MOCS1: variants seen among roughly 807,000 people sequenced by gnomAD.
MOCS1 encodes molybdenum cofactor synthesis 1.
Under a neutral mutation model 57.6 loss-of-function variants are expected in MOCS1, and 39 were observed. The observed-to-expected ratio is 0.68, with a 90% CI of 0.52 to 0.88. The LOEUF is 0.88. Among genes scored for constraint, MOCS1 ranks in the 40% least tolerant of loss-of-function variants. The pLI is 0.00. For synonymous variants in MOCS1, 334 were observed against 335.7 expected (o/e 1.00, Z 0.05); for missense variants, 795 against 831.1 (o/e 0.96, Z 0.53).
intron 3 of MOCS1, among the ~76,000 whole-genome samples, chr6:39,923,683 G>A (rs1467716052): frequency 6.6e-6 from 1 of 152,264 alleles, no homozygotes; most frequent in East Asian, 1.9e-4. Flanking sequence ...AGCTTGCCTG[G>A]GCCAGCTCAG....
intron 8 of MOCS1, among the ~76,000 whole-genome samples, chr6:39,910,488 T>G (rs1247349727): frequency 6.6e-6 from 1 of 152,208 alleles, no homozygotes; most frequent in Non-Finnish European, 1.5e-5. Context: ...GCATGACAAC[T>G]TAAGGTCAAA....
rs181921084 is a variant in MOCS1 at position 39,926,591 on chromosome 6, A to C, written c.250+738T>G. Among the ~76,000 whole-genome samples, 518 of 150,224 alleles carry C rather than the reference A, an allele frequency of 3.4e-3. 3 individuals are homozygous for C. The highest frequency in any genetic ancestry group is 0.012 in the African/African-American group (498 of 40,670). The stretch of plus-strand genomic sequence containing the variant: ...TCCTTTGAGACTGAAGAGAATAAGT[A>C]AGACTACCAGAATGTAAAGCATATA... On this transcript the variant is annotated intron_variant, in intron 2 of 10. Transcript: ENST00000340692.
chr6:39,927,173 C>T (rs1234062058), intron 2 of MOCS1, 156 bp downstream of exon 2: 1 of 881,814 alleles, frequency 1.1e-6, no homozygotes, highest in Non-Finnish European at 1.7e-6. Context: ...TATCTTGCCC[C>T]TGAAGCCCAC....
chr6:39,912,822 C>A, intron 7 of MOCS1, 70 bp downstream of exon 7: 1 of 1,196,742 alleles, frequency 8.4e-7, no homozygotes, highest in South Asian at 1.2e-5. Context: ...CAGCTCCCTG[C>A]TAGCTCTCCA....
At chr6:39,909,615 C>A (rs1402077856) in intron 9 of MOCS1, among the ~76,000 whole-genome samples, 1 of 152,128 alleles carries the variant, frequency 6.6e-6, no homozygotes, top group African/African-American at 2.4e-5. Context: ...GTCCCCTCTC[C>A]TGTGCAGCCT....
At chr6:39,932,841 T>C (rs897885108) in intron 1 of MOCS1, among the ~76,000 whole-genome samples, 4 of 152,248 alleles carry the variant, frequency 2.6e-5, no homozygotes, top group Admixed American at 2.0e-4. Flanking sequence ...TTAATCCCTG[T>C]GACATCCTAT....
intron 4 of MOCS1, among the ~76,000 whole-genome samples, chr6:39,915,193 G>T (rs1351919857): frequency 2.6e-5 from 4 of 152,178 alleles, no homozygotes; most frequent in Non-Finnish European, 5.9e-5. Context: ...TGTGTCTTCT[G>T]TCCCCTCCAC....
chr6:39,919,222 T>C (rs1767828985), intron 3 of MOCS1, among the ~76,000 whole-genome samples: 1 of 152,108 alleles, frequency 6.6e-6, no homozygotes, highest in Non-Finnish European at 1.5e-5. Context: ...CGGTGGCTGA[T>C]GGCTGTAATC....
chr6:39,929,529 G>A (rs1768533028), intron 1 of MOCS1, among the ~76,000 whole-genome samples: 1 of 152,074 alleles, frequency 6.6e-6, no homozygotes, highest in Admixed American at 6.6e-5. Context: ...CATGATGGGG[G>A]GATGGGGTGG....
chr6:39,910,078 G>A, intron 8 of MOCS1, 123 bp from the exon 9 acceptor site: 1 of 1,418,024 alleles, frequency 7.1e-7, no homozygotes, highest in Non-Finnish European at 9.8e-7. Flanking sequence ...GGCCTCCCAT[G>A]GCAGGGCCCC....
chr6:39,906,438 A>AGCCTT lies in MOCS1; in HGVS notation c.1825_1829dup (p.Val611ArgfsTer47). 3 of 1,606,776 alleles carry AGCCTT rather than the reference A, an allele frequency of 1.9e-6. No homozygotes were observed. The South Asian group carries it at 3.3e-5, about 18-fold the overall frequency. On this transcript the variant is annotated frameshift_variant, in exon 11 of 11. Transcript: ENST00000340692. LOFTEE classifies it high-confidence loss of function. The stretch of plus-strand genomic sequence containing the variant: ...CCTCCAACACGATGTCCCTGCTGAC[A>AGCCTT]GCCTTGCACATGTCATACAGGGTGA...
At chr6:39,909,740 T>C (rs995601285) in intron 9 of MOCS1, 95 bp downstream of exon 9, 15 of 1,548,164 alleles carry the variant, frequency 9.7e-6, no homozygotes, top group African/African-American at 9.5e-5. Context: ...TCCCCCTAGG[T>C]GTTCCTTGGT....
intron 2 of MOCS1, 31 bp from the exon 3 acceptor site, chr6:39,925,876 G>C (rs769905045): frequency 1.3e-5 from 20 of 1,595,080 alleles, no homozygotes; most frequent in Admixed American, 1.7e-5. Context: ...AATGTGGAGG[G>C]AGGAAAGAGG....
intron 8 of MOCS1, among the ~76,000 whole-genome samples, chr6:39,910,994 C>T (rs1767293221): frequency 6.6e-6 from 1 of 152,252 alleles, no homozygotes; most frequent in African/African-American, 2.4e-5. Flanking sequence ...GGCTCCAGCC[C>T]TTCCTGGGCC....
Position 39,906,410 on chromosome 6 carries a change from TCTC to T in MOCS1, c.1855_1857del (p.Glu619del), listed in dbSNP as rs760828381. On this transcript the variant is annotated inframe_deletion, in exon 11 of 11. Coordinates refer to ENST00000340692, the MANE Select transcript of MOCS1 (RefSeq NM_001358530.2). Reference sequence around the variant, plus strand: ...CCACCAGTCTTGCTAATGAGCTTGATCTCCTCCAACACGATGTCCCTGCTGACA... The same window carrying T: ...CCACCAGTCTTGCTAATGAGCTTGATCTCCAACACGATGTCCCTGCTGACA... The T allele has an allele frequency of 2.0e-5, 32 of 1,602,970 alleles. No homozygotes were observed. Among genetic ancestry groups the T allele is most frequent in the African/African-American group, 2.7e-5 (2 of 74,708 alleles).
rs960220783 is a variant in MOCS1, at chr6:39,906,856, G to A, written c.1412C>T (p.Ala471Val). The A allele has an allele frequency of 1.2e-6, 2 of 1,614,078 alleles. No individual in the cohort carries two copies. Among genetic ancestry groups the A allele is most frequent in the Non-Finnish European group, 1.7e-6 (2 of 1,180,054 alleles). ...TGAGGTTAGCTGGGGTCCTGAGGGGGCAGCAGAAGCCCAGGAACCTGGGCT... is the reference window on the plus strand; with the variant it reads ...TGAGGTTAGCTGGGGTCCTGAGGGGACAGCAGAAGCCCAGGAACCTGGGCT... ...CLSPGSWASA[A>V]PSGPQLTSEQ... The change falls in exon 11 of 11, where the codon GCC (alanine) becomes GTC (valine). Residue 471 changes from alanine to valine, a missense_variant. By Grantham distance (64) the Ala-to-Val change is moderately conservative. Around this residue, in one of 3 missense-constraint regions of MOCS1, gnomAD observed 374 missense variants for 422.6 expected, o/e 0.89. Coordinates refer to ENST00000340692, the MANE Select transcript of MOCS1 (RefSeq NM_001358530.2).
intron 9 of MOCS1, 34 bp downstream of exon 9, chr6:39,909,801 C>T: frequency 6.2e-7 from 1 of 1,610,020 alleles, no homozygotes; most frequent in Non-Finnish European, 8.5e-7. Context: ...GGCCCACTCA[C>T]CATCCAGGCC....
At chr6:39,912,790 T>C in intron 7 of MOCS1, 102 bp downstream of exon 7, 1 of 910,522 alleles carries the variant, frequency 1.1e-6, no homozygotes, top group Admixed American at 1.7e-5. Context: ...CCATCCCACA[T>C]CACAGCATCC....
Position 39,905,930 on chromosome 6 carries a change from C to T in MOCS1, c.*427G>A, listed in dbSNP as rs1562080829. 1 of 463,640 alleles carries T rather than the reference C, an allele frequency of 2.2e-6. No individual in the cohort carries two copies. The highest frequency in any genetic ancestry group is 4.4e-6 in the Non-Finnish European group (1 of 227,570). 28.7% of individuals were successfully genotyped at this position (463,640 alleles called of 1,614,324 possible). A position where few individuals can be genotyped will look rare whatever the true frequency, so the allele number is the denominator to read the frequency against. ...AGGCAAGCTTGTGCTTTGCTCTCCT[C>T]AAAGTGGGCTCCTCTGCTTAATGAG... On this transcript the variant is annotated 3_prime_UTR_variant, in exon 11 of 11. Coordinates refer to ENST00000340692, the MANE Select transcript of MOCS1 (RefSeq NM_001358530.2).
Sources: allele counts gnomAD v4.1 joint callset (sites outside exome capture counted in the v4.1 genomes callset), GRCh38; gene constraint gnomAD v4.1.1; regional missense constraint gnomAD v4.1.1; transcripts MANE v1.5; gene names NCBI Gene and HGNC (gene_info 2026-07-23, HGNC 2026-07-21).